Variants in FBN2 observed in about 807,000 individuals in gnomAD.
FBN2 encodes the protein fibrillin 2.
FBN2 carries 105 observed loss-of-function variants against 355.6 expected under a neutral mutation model. The ratio of observed to expected loss-of-function variants is 0.30; its 90% confidence interval spans 0.25 to 0.35. FBN2 has a LOEUF of 0.35. Ranked by LOEUF, FBN2 falls within the 10% of genes least tolerant of loss-of-function variation. FBN2 has a pLI of 1.00. For synonymous variants in FBN2, 1,350 were observed against 1,301.2 expected, an observed-to-expected ratio of 1.04 and a Z score of -0.81; for missense variants, 3,280 against 3,758.7, an observed-to-expected ratio of 0.87 and a Z score of 3.33.
chr5:128,299,579 G>A (rs879113715), intron 48 of FBN2, among the ~76,000 whole-genome samples: 4 of 152,108 alleles, frequency 2.6e-5, no homozygotes, highest in East Asian at 1.9e-4. Flanking sequence ...GAAGTGACCC[G>A]ATTCTCCAGG....
At chr5:128,381,227 G>A (rs1752227515) in intron 11 of FBN2, among the ~76,000 whole-genome samples, 1 of 152,062 alleles carries the variant, frequency 6.6e-6, no homozygotes, top group South Asian at 2.1e-4. Flanking sequence ...TTTAATTTTA[G>A]AGTAGAATTC....
intron 8 of FBN2, among the ~76,000 whole-genome samples, chr5:128,401,832 C>T (rs188687093): frequency 6.6e-6 from 1 of 152,274 alleles, no homozygotes; most frequent in Non-Finnish European, 1.5e-5. Flanking sequence ...TTGGAAACCT[C>T]TGGTCAGTCC....
Position 128,361,258 on chromosome 5 carries a change from A to G in FBN2, c.2554+465T>C, listed in dbSNP as rs1428631. 6.5e-3 allele frequency among the ~76,000 whole-genome samples: 997 copies of G among 152,302 alleles called. 11 individuals carry two copies. The highest frequency in any genetic ancestry group is 0.031 in the Middle Eastern group (9 of 294). On this transcript the variant is annotated intron_variant, in intron 19 of 64. Transcript: ENST00000262464. Reference sequence around the variant, plus strand: ...GGACTAAAAACCTATTAAAGTTATCATTTTTACTTAGTTCTCAAATATTTT... The same window carrying G: ...GGACTAAAAACCTATTAAAGTTATCGTTTTTACTTAGTTCTCAAATATTTT...
intron 34 of FBN2, among the ~76,000 whole-genome samples, chr5:128,324,702 C>A (rs1443925238): frequency 6.6e-6 from 1 of 151,426 alleles, no homozygotes; most frequent in Non-Finnish European, 1.5e-5. Flanking sequence ...ACTGCAAGCT[C>A]TGCCTCCCGG....
chr5:128,454,350 T>C (rs1283603369), intron 6 of FBN2, among the ~76,000 whole-genome samples: 1 of 152,242 alleles, frequency 6.6e-6, no homozygotes, highest in Non-Finnish European at 1.5e-5. Flanking sequence ...TTGAGTTTGC[T>C]TTAAAGTTTT....
At chr5:128,481,558 CAT>C (rs937213837) in intron 5 of FBN2, among the ~76,000 whole-genome samples, 16 of 152,270 alleles carry the variant, frequency 1.1e-4, no homozygotes, top group African/African-American at 3.6e-4. Context: ...TGAGTGTCCA[CAT>C]GTTTCCAAAC....
Position 128,310,388 on chromosome 5 carries a change from ATATATATATATATATTTTT to A in FBN2, c.5075-299_5075-281del, listed in dbSNP as rs1392519595. Among the ~76,000 whole-genome samples, 22,042 of 73,922 alleles carry A rather than the reference ATATATATATATATATTTTT, an allele frequency of 0.3. 2,264 individuals are homozygous for A. Among genetic ancestry groups the A allele is most frequent in the Middle Eastern group, 0.4 (66 of 166 alleles). The allele number at this position is 73,922 out of a possible 152,430, so 48.5% of individuals were successfully genotyped here. On this transcript the variant is annotated intron_variant, in intron 39 of 64. Transcript: ENST00000262464. The stretch of plus-strand genomic sequence containing the variant: ...CACATATATATATATATATATATAT[ATATATATATATATATTTTT>A]TTTTTTTTTTTTTTATTGCAATTCG...
At chr5:128,262,004 G>T in intron 63 of FBN2, 97 bp from the exon 64 acceptor site, 1 of 913,432 alleles carries the variant, frequency 1.1e-6, no homozygotes. Context: ...GAAACCAACA[G>T]AGCAAACACT....
intron 5 of FBN2, among the ~76,000 whole-genome samples, chr5:128,509,363 T>G (rs1044531764): frequency 3.3e-5 from 5 of 152,120 alleles, no homozygotes; most frequent in Admixed American, 2.6e-4. Context: ...ATGTCTCATC[T>G]CCCATTAATC....
At chr5:128,297,893 T>C in intron 48 of FBN2, among the ~76,000 whole-genome samples, 1 of 152,024 alleles carries the variant, frequency 6.6e-6, no homozygotes. Context: ...CGTTAGCTGG[T>C]TATTTTGCTC....
intron 49 of FBN2, 67 bp from the exon 50 acceptor site, chr5:128,290,951 A>T: frequency 6.8e-7 from 1 of 1,460,920 alleles, no homozygotes; most frequent in Non-Finnish European, 9.6e-7. Flanking sequence ...AACATTTCTC[A>T]TTGTAGAACA....
chr5:128,322,479 G>T (rs1462611260), intron 34 of FBN2, among the ~76,000 whole-genome samples: 10 of 152,094 alleles, frequency 6.6e-5, no homozygotes, highest in African/African-American at 2.4e-4. Flanking sequence ...AAAGAAAGGG[G>T]TGCAGTTTCA....
intron 1 of FBN2, among the ~76,000 whole-genome samples, chr5:128,536,904 G>C (rs2112809853): frequency 6.6e-6 from 1 of 152,064 alleles, no homozygotes; most frequent in Non-Finnish European, 1.5e-5. Flanking sequence ...GCAAGGTGGA[G>C]CGCTCGGGTT....
chr5:128,285,829 AAAATAAG>A (rs1204707036), intron 55 of FBN2, among the ~76,000 whole-genome samples: 6 of 152,232 alleles, frequency 3.9e-5, no homozygotes, highest in African/African-American at 7.2e-5. Context: ...GCTAGTTATA[AAAATAAG>A]AAATTTCCAT....
intron 63 of FBN2, among the ~76,000 whole-genome samples, chr5:128,262,643 G>C (rs1189015954): frequency 6.6e-6 from 1 of 152,104 alleles, no homozygotes; most frequent in Non-Finnish European, 1.5e-5. Flanking sequence ...TCAATGAATT[G>C]GCTCTAAATG....
chr5:128,381,563 A>C (rs1752236468), intron 11 of FBN2, among the ~76,000 whole-genome samples: 1 of 152,148 alleles, frequency 6.6e-6, no homozygotes, highest in Non-Finnish European at 1.5e-5. Context: ...GTTGTTTATA[A>C]ATTCAAAGTG....
rs1752773695 is a variant in FBN2 at position 128,400,665 on chromosome 5, G to C, written c.1079-5391C>G. Among the ~76,000 whole-genome samples the C allele has an allele frequency of 2.0e-5, 3 of 152,094 alleles. No homozygotes were observed. In the South Asian group the frequency reaches 6.2e-4, roughly 32 times the overall value. ...ATATTTCCAAGAATTGGTATCAACT[G>C]GTAATATTCTTGGACCACAATGTAT... On this transcript the variant is annotated intron_variant, in intron 8 of 64. Transcript: ENST00000262464.
chr5:128,374,543 T>C, intron 15 of FBN2, 85 bp downstream of exon 15: 1 of 1,555,552 alleles, frequency 6.4e-7, no homozygotes, highest in Non-Finnish European at 8.9e-7. Flanking sequence ...TTATGGTGAA[T>C]ATTACTCCAC....
At chr5:128,375,830 G>A (rs1187330387) in intron 14 of FBN2, among the ~76,000 whole-genome samples, 1 of 152,050 alleles carries the variant, frequency 6.6e-6, no homozygotes, top group Non-Finnish European at 1.5e-5. Context: ...GAGCCCATGA[G>A]TTTGAGACCA....
Sources: gnomAD v4.1 joint callset for allele counts (sites outside exome capture counted in the v4.1 genomes callset) on GRCh38, gnomAD v4.1.1 for gene constraint, MANE v1.5 for transcripts, NCBI Gene and HGNC (gene_info 2026-07-23, HGNC 2026-07-21) for gene names.